The following PIK3CB variants were observed in gnomAD, a reference collection of about 807,000 sequenced individuals.
The protein encoded by PIK3CB is phosphatidylinositol 4,5-bisphosphate 3-kinase catalytic subunit beta isoform.
Under a neutral mutation model 136.8 loss-of-function variants are expected in PIK3CB, and 39 were observed. That is an observed-to-expected ratio of 0.29 (90% confidence interval 0.22 to 0.37). The LOEUF is 0.37. Ranked by LOEUF, PIK3CB falls within the 10% of genes least tolerant of loss-of-function variation. The pLI is 1.00. For missense variants in PIK3CB, 868 were observed against 1,275.4 expected, an observed-to-expected ratio of 0.68 and a Z score of 4.87; for synonymous variants, 428 against 436.6, an observed-to-expected ratio of 0.98 and a Z score of 0.25.
At chr3:138,718,759 T>C (rs571407023) in intron 8 of PIK3CB, among the ~76,000 whole-genome samples, 1 of 152,346 alleles carries the variant, frequency 6.6e-6, no homozygotes, top group East Asian at 1.9e-4. Flanking sequence ...ATCATCTACA[T>C]ACGGCTTGCC....
At chr3:138,794,242 C>T (rs2046084699) in intron 2 of PIK3CB, among the ~76,000 whole-genome samples, 1 of 152,094 alleles carries the variant, frequency 6.6e-6, no homozygotes, top group Admixed American at 6.6e-5. Context: ...GGGTTACAGG[C>T]GTGAGTCACA....
rs2108380316 is a variant in PIK3CB, at chr3:138,655,317, G to C, written c.*72C>G. On this transcript the variant is annotated 3_prime_UTR_variant, in exon 24 of 24. Transcript: ENST00000674063. ...TTTATAACATCTCTAACAGGGTCAT[G>C]TTCAATTTAGTGCAAGTGCAAAATG... The C allele has an allele frequency of 6.9e-7, 1 of 1,450,190 alleles. No individual in the cohort carries two copies. Among genetic ancestry groups the C allele is most frequent in the Non-Finnish European group, 9.6e-7 (1 of 1,037,712 alleles). The allele number at this position is 1,450,190 out of a possible 1,614,324, so 89.8% of individuals were successfully genotyped here. A position where few individuals can be genotyped will look rare whatever the true frequency, so the allele number is the denominator to read the frequency against.
intron 1 of PIK3CB, among the ~76,000 whole-genome samples, chr3:138,809,606 CAAAAAAAAAA>C (rs57717750): frequency 8.8e-6 from 1 of 113,672 alleles, no homozygotes; most frequent in Non-Finnish European, 1.7e-5. Flanking sequence ...GACTTTGCCT[CAAAAAAAAAA>C]AAAAAAAAAG....
intron 19 of PIK3CB, among the ~76,000 whole-genome samples, chr3:138,676,086 T>C (rs896106392): frequency 6.6e-6 from 1 of 152,040 alleles, no homozygotes; most frequent in African/African-American, 2.4e-5. Flanking sequence ...GTCTAGTATA[T>C]AAAATATATA....
chr3:138,785,098 TGGG>T (rs1333085954), intron 2 of PIK3CB, among the ~76,000 whole-genome samples: 2 of 148,510 alleles, frequency 1.3e-5, no homozygotes. Flanking sequence ...GTCCGGGAGG[TGGG>T]GGGCAGCCCC....
chr3:138,744,915 T>G (rs550399547), intron 4 of PIK3CB, among the ~76,000 whole-genome samples: 1 of 152,356 alleles, frequency 6.6e-6, no homozygotes, highest in African/African-American at 2.4e-5. Flanking sequence ...CTCCACGATC[T>G]GTATCTTGAA....
chr3:138,806,635 T>C (rs948319830), intron 1 of PIK3CB, among the ~76,000 whole-genome samples: 2 of 152,202 alleles, frequency 1.3e-5, no homozygotes, highest in Admixed American at 6.5e-5. Context: ...GAGGCCTGCT[T>C]ATTCAGGACT....
chr3:138,695,703 A>AT (rs1208008291), intron 13 of PIK3CB, among the ~76,000 whole-genome samples: 5 of 152,026 alleles, frequency 3.3e-5, no homozygotes, highest in Admixed American at 2.0e-4. Context: ...CTTTTGAATG[A>AT]TTTTTTAAAA....
intron 21 of PIK3CB, among the ~76,000 whole-genome samples, chr3:138,660,935 T>C (rs542234604): frequency 1.3e-5 from 2 of 152,348 alleles, no homozygotes; most frequent in South Asian, 4.1e-4. Context: ...TGTTGATTGG[T>C]GGACTTCCTT....
At chr3:138,662,997 G>C (rs1351433684) in intron 21 of PIK3CB, among the ~76,000 whole-genome samples, 1 of 152,118 alleles carries the variant, frequency 6.6e-6, no homozygotes, top group Non-Finnish European at 1.5e-5. Flanking sequence ...ACATAGGCAT[G>C]GGCAAGGACT....
At position 138,705,155 on chromosome 3, in the gene PIK3CB, CAAAAAA is replaced by C. The variant is rs1312893752; in HGVS notation, c.1531-668_1531-663del. On this transcript the variant is annotated intron_variant, in intron 11 of 23. Coordinates refer to ENST00000674063, the MANE Select transcript of PIK3CB (RefSeq NM_006219.3). ...AAGACTCTCCAAGAGATTAGAAAGGCAAAAAAAAAAAAAAAAAACAAAAAACAAAAC... is the reference window on the plus strand; with the variant it reads ...AAGACTCTCCAAGAGATTAGAAAGGCAAAAAAAAAAAACAAAAAACAAAAC... 6.7e-5 allele frequency among the ~76,000 whole-genome samples: 2 copies of C among 29,870 alleles called. 1 individual carries two copies. Among genetic ancestry groups the C allele is most frequent in the Non-Finnish European group, 1.1e-4 (2 of 17,730 alleles). 19.6% of individuals were successfully genotyped at this position (29,870 alleles called of 152,430 possible). A position where few individuals can be genotyped will look rare whatever the true frequency, so the allele number is the denominator to read the frequency against.
chr3:138,762,330 T>G (rs2045674191), intron 2 of PIK3CB, among the ~76,000 whole-genome samples: 1 of 152,226 alleles, frequency 6.6e-6, no homozygotes, highest in Admixed American at 6.5e-5. Context: ...TATAAGCTCC[T>G]TGAGGAGATA....
intron 1 of PIK3CB, among the ~76,000 whole-genome samples, chr3:138,807,329 G>A (rs1217994868): frequency 6.6e-6 from 1 of 152,130 alleles, no homozygotes; most frequent in Non-Finnish European, 1.5e-5. Flanking sequence ...AGCTACTCAG[G>A]AGGCTGAGGC....
intron 8 of PIK3CB, among the ~76,000 whole-genome samples, chr3:138,729,070 C>T (rs1293819018): frequency 6.6e-6 from 1 of 152,074 alleles, no homozygotes; most frequent in Non-Finnish European, 1.5e-5. Flanking sequence ...CACCTGAGGT[C>T]AGGAGTTTGA....
At chr3:138,779,039 T>A (rs1376951353) in intron 2 of PIK3CB, among the ~76,000 whole-genome samples, 1 of 135,098 alleles carries the variant, frequency 7.4e-6, no homozygotes, top group East Asian at 2.3e-4. Context: ...AAAAAAAAAA[T>A]AGCAACACAC....
rs192173512 is a variant in PIK3CB at position 138,727,389 on chromosome 3, A to G, written c.1050+5972T>C. Among the ~76,000 whole-genome samples the G allele has an allele frequency of 4.6e-5, 7 of 152,368 alleles. No homozygotes were observed. The South Asian group carries it at 1.2e-3, about 27-fold the overall frequency. On this transcript the variant is annotated intron_variant, in intron 8 of 23. Coordinates refer to ENST00000674063, the MANE Select transcript of PIK3CB (RefSeq NM_006219.3). ...AAGACACTCAGCTCTTCCTAGCAAAAGAGTCAAAGAATGAGAAAATTTGAT... is the reference window on the plus strand; with the variant it reads ...AAGACACTCAGCTCTTCCTAGCAAAGGAGTCAAAGAATGAGAAAATTTGAT...
chr3:138,686,671 T>C (rs901470795), intron 16 of PIK3CB, among the ~76,000 whole-genome samples: 2 of 152,164 alleles, frequency 1.3e-5, no homozygotes, highest in African/African-American at 4.8e-5. Flanking sequence ...ATCACAAATA[T>C]AAACAATGTG....
intron 18 of PIK3CB, among the ~76,000 whole-genome samples, chr3:138,683,179 C>T (rs908452624): frequency 2.7e-4 from 41 of 151,750 alleles, no homozygotes; most frequent in Middle Eastern, 3.4e-3. Flanking sequence ...ATGGTGAAAC[C>T]CCATCTTTAC....
In PIK3CB at chr3:138,802,416, G is replaced by C. The variant is rs2108844640; in HGVS notation, c.-121-5849C>G. Among the ~76,000 whole-genome samples, 2 of 151,656 alleles carry C rather than the reference G, an allele frequency of 1.3e-5. 1 individual carries two copies. Among genetic ancestry groups the C allele is most frequent in the Admixed American group, 1.3e-4 (2 of 15,136 alleles). On this transcript the variant is annotated intron_variant, in intron 1 of 23. Coordinates refer to ENST00000674063, the MANE Select transcript of PIK3CB (RefSeq NM_006219.3). Reference sequence around the variant, plus strand: ...AAAGAAAGAAAGAAAAGGGAAGGGGGAAAGTAGAAAGGGGAAAGGAAAGAG... The same window carrying C: ...AAAGAAAGAAAGAAAAGGGAAGGGGCAAAGTAGAAAGGGGAAAGGAAAGAG...
Sources: gnomAD v4.1 joint callset for allele counts (sites outside exome capture counted in the v4.1 genomes callset) on GRCh38, gnomAD v4.1.1 for gene constraint, MANE v1.5 for transcripts, NCBI Gene and HGNC (gene_info 2026-07-23, HGNC 2026-07-21) for gene names.